CASQ1: variants seen among roughly 807,000 people sequenced by gnomAD.
The protein encoded by CASQ1 is calsequestrin-1.
Under a neutral mutation model 49.5 loss-of-function variants are expected in CASQ1, and 40 were observed. The observed-to-expected ratio is 0.81, with a 90% confidence interval of 0.63 to 1.05. The LOEUF (loss-of-function observed/expected upper bound fraction) is 1.05. Among genes scored for constraint, CASQ1 ranks in the 50% least tolerant of loss-of-function variants. The probability of loss-of-function intolerance (pLI) is 0.00; values close to 1 mark genes in which losing one functional copy is unlikely to be tolerated. For missense variants in CASQ1, 469 were observed against 486.9 expected (o/e 0.96, Z 0.35); for synonymous variants, 174 against 187.2 (o/e 0.93, Z 0.58).
chr1:160,201,192 T>G, intron 10 of CASQ1, 53 bp from the exon 11 acceptor site: 1 of 1,583,996 alleles, frequency 6.3e-7, no homozygotes, highest in Non-Finnish European at 8.6e-7. Flanking sequence ...GGAAGACAGA[T>G]CCTAAGACCC....
chr1:160,195,640 C>T, intron 5 of CASQ1, 106 bp downstream of exon 5: 2 of 985,990 alleles, frequency 2.0e-6, no homozygotes, highest in Non-Finnish European at 1.6e-6. Context: ...TACGTGCTGG[C>T]ACTCCCTACC....
rs375793287 is a variant in CASQ1, at chr1:160,191,078, C to T, written c.279+48C>T. On this transcript the variant is annotated intron_variant, in intron 1 of 10. Transcript: ENST00000368078. ...CTGCAGAGCATGTCTAGCCCCTCTC[C>T]GGAATCCCCTATCCTACACCCATGT... The T allele has an allele frequency of 3.5e-5, 55 of 1,589,304 alleles. No individual in the cohort carries two copies. The African/African-American group carries it at 3.5e-4, about 10-fold the overall frequency.
intron 10 of CASQ1, among the ~76,000 whole-genome samples, chr1:160,200,948 G>C (rs1459684300): frequency 6.6e-6 from 1 of 152,242 alleles, no homozygotes; most frequent in Admixed American, 6.5e-5. Context: ...AAGCCATGAA[G>C]AGCTACCAGT....
At chr1:160,195,759 C>A in intron 5 of CASQ1, 138 bp from the exon 6 acceptor site, 2 of 1,016,926 alleles carry the variant, frequency 2.0e-6, no homozygotes, top group Non-Finnish European at 2.9e-6. Flanking sequence ...AGTTAAGACA[C>A]TTGTCAGGTG....
rs114473633 is a variant in CASQ1, at chr1:160,195,326, C to T, written c.578-135C>T. The T allele has an allele frequency of 8.7e-4, 739 of 847,146 alleles. 1 individual carries two copies. The African/African-American group carries it at 0.01, about 12-fold the overall frequency. The allele number at this position is 847,146 out of a possible 1,614,324, so 52.5% of individuals were successfully genotyped here. A position where few individuals can be genotyped will look rare whatever the true frequency, so the allele number is the denominator to read the frequency against. On this transcript the variant is annotated intron_variant, in intron 4 of 10. Transcript: ENST00000368078. ...AAGCACCTCCAGTATTCCACCTTCC[C>T]CTCACTCTCGAAGAACTAGAAGGGG...
At chr1:160,192,953 C>G in intron 2 of CASQ1, 67 bp downstream of exon 2, 1 of 1,286,136 alleles carries the variant, frequency 7.8e-7, no homozygotes, top group South Asian at 1.2e-5. Flanking sequence ...GGGCGGAGGA[C>G]CTGTCAGGCA....
Position 160,194,479 on chromosome 1 carries a change from AC to A in CASQ1, c.466-532del, listed in dbSNP as rs1415365400. 3.7e-5 allele frequency among the ~76,000 whole-genome samples: 5 copies of A among 134,118 alleles called. No homozygotes were observed. The South Asian group carries it at 7.6e-4, about 20-fold the overall frequency. The allele number at this position is 134,118 out of a possible 152,430, so 88.0% of individuals were successfully genotyped here. ...ACACACCCATCCATACACACCACAC[AC>A]AACATATACATGCCACACACCCACC... On this transcript the variant is annotated intron_variant, in intron 3 of 10. Coordinates refer to ENST00000368078, the MANE Select transcript of CASQ1 (RefSeq NM_001231.5).
chr1:160,197,317 A>T (rs1391804024), intron 6 of CASQ1, among the ~76,000 whole-genome samples: 1 of 152,202 alleles, frequency 6.6e-6, no homozygotes, highest in Non-Finnish European at 1.5e-5. Flanking sequence ...GAATATCCTG[A>T]TGTCCAGTTC....
In CASQ1 at chr1:160,193,766, C is replaced by T. The variant is rs763912394; in HGVS notation, c.384C>T (p.Ser128=). ...AKKLGLTEVD[S]MYVFKGDEVI... is the part of the protein sequence containing the mutation. ...CCCTAGGCCTAACTGAAGTGGACAGCATGTATGTATTCAAGGGAGATGAAG... is the reference window on the plus strand; with the variant it reads ...CCCTAGGCCTAACTGAAGTGGACAGTATGTATGTATTCAAGGGAGATGAAG... Residue 128 remains serine, a synonymous_variant, in exon 3 of 11, where the codon AGC becomes AGT. Transcript: ENST00000368078. 5 of 1,610,602 alleles carry T rather than the reference C, an allele frequency of 3.1e-6. No individual in the cohort carries two copies. In the African/African-American group the frequency reaches 5.4e-5, roughly 17 times the overall value.
At chr1:160,192,113 G>A (rs988783232) in intron 1 of CASQ1, among the ~76,000 whole-genome samples, 1 of 152,208 alleles carries the variant, frequency 6.6e-6, no homozygotes, top group African/African-American at 2.4e-5. Flanking sequence ...CGCTAAGCTG[G>A]AAGGCTTATG....
intron 9 of CASQ1, among the ~76,000 whole-genome samples, chr1:160,199,443 G>A (rs1318460959): frequency 1.3e-5 from 2 of 152,228 alleles, no homozygotes; most frequent in Non-Finnish European, 2.9e-5. Context: ...AGCACTCGCT[G>A]TTGAATGAGT....
rs34415446 is a variant in CASQ1, at chr1:160,195,037, T to C, written c.491T>C (p.Ile164Thr). 1.8e-4 allele frequency: 287 copies of C among 1,612,262 alleles called. 1 individual carries two copies. Among genetic ancestry groups the C allele is most frequent in the Middle Eastern group, 1.7e-4 (1 of 6,044 alleles). The change falls in exon 4 of 11, where the codon ATT becomes ACT. Residue 164 changes from isoleucine (I) to threonine (T), a missense_variant. Physicochemically the swap from Ile to Thr is moderately conservative, Grantham distance 89. Transcript: ENST00000368078. Reference sequence around the variant, plus strand: ...GTCCTAGAGGACCCTGTGGAATTGATTGAAGGTGAACGAGAGCTGCAGGCG... The same window carrying C: ...GTCCTAGAGGACCCTGTGGAATTGACTGAAGGTGAACGAGAGCTGCAGGCG... Reference protein sequence around the residue: ...LDVLEDPVELIEGERELQAFE... With the variant: ...LDVLEDPVELTEGERELQAFE...
At chr1:160,194,818 C>T (rs1349909658) in intron 3 of CASQ1, among the ~76,000 whole-genome samples, 194 bp from the exon 4 acceptor site, 1 of 150,396 alleles carries the variant, frequency 6.6e-6, no homozygotes, top group Admixed American at 6.6e-5. Context: ...CACACACACA[C>T]CACACATGCA....
chr1:160,194,750 A>G (rs1356628461), intron 3 of CASQ1, among the ~76,000 whole-genome samples: 2 of 150,540 alleles, frequency 1.3e-5, no homozygotes, highest in African/African-American at 4.9e-5. Flanking sequence ...TACCATCCAC[A>G]CACATCACAC....
Position 160,190,980 on chromosome 1 carries a change from G to A in CASQ1, c.229G>A (p.Asp77Asn), listed in dbSNP as rs531621501. The A allele has an allele frequency of 6.2e-7, 1 of 1,614,176 alleles. No individual in the cohort carries two copies. The highest frequency in any genetic ancestry group is 2.2e-5 in the East Asian group (1 of 44,888). Residue 77 changes from aspartate to asparagine, a missense_variant, in exon 1 of 11, where the codon GAT becomes AAT. Coordinates refer to ENST00000368078, the MANE Select transcript of CASQ1 (RefSeq NM_001231.5). ...LALLYHEPPE[D>N]DKASQRQFEM... Reference sequence around the variant, plus strand: ...ACTCCTCTACCATGAACCCCCCGAGGATGACAAGGCCTCACAAAGACAATT... The same window carrying A: ...ACTCCTCTACCATGAACCCCCCGAGAATGACAAGGCCTCACAAAGACAATT...
intron 9 of CASQ1, 33 bp from the exon 10 acceptor site, chr1:160,199,818 C>T: frequency 7.1e-7 from 1 of 1,405,492 alleles, no homozygotes; most frequent in Non-Finnish European, 1.0e-6. Flanking sequence ...TCCCTAGTAT[C>T]TATTAAGTTG....
chr1:160,200,035 C>A (rs942828907), intron 10 of CASQ1, 110 bp downstream of exon 10: 2 of 753,188 alleles, frequency 2.7e-6, no homozygotes, highest in Non-Finnish European at 2.4e-6. Flanking sequence ...AGGACGCAGA[C>A]ATGCCCAGTC....
chr1:160,194,742 C>A (rs1008587409), intron 3 of CASQ1, among the ~76,000 whole-genome samples: 1 of 150,902 alleles, frequency 6.6e-6, no homozygotes, highest in Non-Finnish European at 1.5e-5. Context: ...CACACTCATA[C>A]CATCCACACA....
At chr1:160,195,819 T>C in intron 5 of CASQ1, 78 bp from the exon 6 acceptor site, 2 of 1,457,712 alleles carry the variant, frequency 1.4e-6, no homozygotes, top group Non-Finnish European at 1.9e-6. Flanking sequence ...CTTCCTAATA[T>C]TTGTTCCCCC....
Sources: allele counts gnomAD v4.1 joint callset (sites outside exome capture counted in the v4.1 genomes callset), GRCh38; gene constraint gnomAD v4.1.1; transcripts MANE v1.5; gene names NCBI Gene and HGNC (gene_info 2026-07-23, HGNC 2026-07-21).